Variants in TGFBRAP1 observed in about 807,000 individuals in gnomAD.
TGFBRAP1 encodes the protein transforming growth factor-beta receptor-associated protein 1.
TGFBRAP1 carries 20 observed loss-of-function variants against 83.2 expected under a neutral mutation model. That is an observed-to-expected ratio of 0.24 (90% CI 0.17 to 0.35). The LOEUF is 0.35. TGFBRAP1 is among the 10% of genes least tolerant of loss of function. The pLI, the probability that TGFBRAP1 is intolerant of heterozygous loss-of-function variation, is 1.00. For missense variants in TGFBRAP1, 950 were observed against 1,099.4 expected (o/e 0.86, Z 1.92); for synonymous variants, 415 against 459.8 (o/e 0.90, Z 1.25).
chr2:105,265,764 A>G lies in TGFBRAP1; in HGVS notation c.*1619T>C, dbSNP rs1676908647. 6.6e-6 allele frequency: 1 copy of G among 152,302 alleles called. No individual in the cohort carries two copies. Among genetic ancestry groups the G allele is most frequent in the Non-Finnish European group, 1.5e-5 (1 of 68,028 alleles). 9.4% of individuals were successfully genotyped at this position (152,302 alleles called of 1,614,324 possible). A position where few individuals can be genotyped will look rare whatever the true frequency, so the allele number is the denominator to read the frequency against. The stretch of plus-strand genomic sequence containing the variant: ...TTTATTCTTTAGTTAATTGAAACAT[A>G]GTCAGGAAAAAATGGTGCCAATTCC... On this transcript the variant is annotated 3_prime_UTR_variant, in exon 12 of 12. Coordinates refer to ENST00000393359, the MANE Select transcript of TGFBRAP1 (RefSeq NM_004257.6).
chr2:105,251,713 TG>T, the TGFBRAP1 span, among the ~76,000 whole-genome samples: 1 of 151,806 alleles, frequency 6.6e-6, no homozygotes, highest in Non-Finnish European at 1.5e-5. Context: ...GGGGGAAAGG[TG>T]GGGAAAAGAT....
chr2:105,304,642 G>C (rs1337629355), intron 2 of TGFBRAP1, among the ~76,000 whole-genome samples: 1 of 152,202 alleles, frequency 6.6e-6, no homozygotes. Flanking sequence ...AATTAGCTGA[G>C]CATGGTGGCA....
chr2:105,270,431 C>T (rs144409562), intron 10 of TGFBRAP1, among the ~76,000 whole-genome samples: 41 of 152,260 alleles, frequency 2.7e-4, no homozygotes, highest in Non-Finnish European at 4.4e-4. Flanking sequence ...CCACCCAGCC[C>T]GTCTGGAACT....
intron 6 of TGFBRAP1, among the ~76,000 whole-genome samples, chr2:105,278,438 C>T (rs961549223): frequency 7.9e-5 from 12 of 152,096 alleles, no homozygotes; most frequent in African/African-American, 2.9e-4. Flanking sequence ...TGCTAGTGTC[C>T]GGGACTCGCA....
downstream of TGFBRAP1, chr2:105,264,277 G>A (rs2254301): frequency 0.58 from 87,675 of 152,032 alleles, 26,023 homozygotes; most frequent in Non-Finnish European, 0.65. Context: ...AAGCAGACAC[G>A]TTAAAATTTG....
chr2:105,279,158 C>A (rs1404952142), intron 6 of TGFBRAP1, among the ~76,000 whole-genome samples: 1 of 152,142 alleles, frequency 6.6e-6, no homozygotes, highest in Non-Finnish European at 1.5e-5. Context: ...GTGTTAGCTG[C>A]CCAGAATGGA....
At chr2:105,267,767 T>A (rs1410841687) in intron 11 of TGFBRAP1, 7 of 985,332 alleles carry the variant, frequency 7.1e-6, no homozygotes, top group Non-Finnish European at 4.8e-6. Flanking sequence ...GTTACACAAT[T>A]GCTTTTCTTA....
At chr2:105,267,870 G>C (rs866368164) in intron 11 of TGFBRAP1, 8 of 985,288 alleles carry the variant, frequency 8.1e-6, no homozygotes, top group Non-Finnish European at 8.4e-6. Context: ...TTCAAGCAAG[G>C]CCTGTTAGAA....
chr2:105,269,741 G>T lies in TGFBRAP1; in HGVS notation c.1973-36C>A. On this transcript the variant is annotated intron_variant, in intron 10 of 11. Transcript: ENST00000393359. This position sits in a 1 kb window ranked among gnomAD's most constrained non-coding sequence, Gnocchi z 4.1. Reference sequence around the variant, plus strand: ...GAACCTGCAGCTCAGAAAGAAAGGGGCTCGCCGGCCACCCGCCCAGCGACT... The same window carrying T: ...GAACCTGCAGCTCAGAAAGAAAGGGTCTCGCCGGCCACCCGCCCAGCGACT... The T allele has an allele frequency of 1.4e-6, 2 of 1,465,398 alleles. No individual in the cohort carries two copies. The highest frequency in any genetic ancestry group is 2.9e-5 in the South Asian group (2 of 69,904). 90.8% of individuals were successfully genotyped at this position (1,465,398 alleles called of 1,614,324 possible). A position where few individuals can be genotyped will look rare whatever the true frequency, so the allele number is the denominator to read the frequency against.
chr2:105,327,846 A>C (rs1010561587), intron 1 of TGFBRAP1, among the ~76,000 whole-genome samples: 3 of 152,336 alleles, frequency 2.0e-5, no homozygotes, highest in Non-Finnish European at 2.9e-5. Flanking sequence ...ATGAAGGCTA[A>C]CAGTGGCACC....
the TGFBRAP1 span, among the ~76,000 whole-genome samples, chr2:105,258,711 C>A: frequency 4.0e-5 from 6 of 148,172 alleles, no homozygotes; most frequent in Non-Finnish European, 8.9e-5. Context: ...CAATCACACG[C>A]CCTTTCTCTC....
chr2:105,251,701 A>AG, the TGFBRAP1 span, among the ~76,000 whole-genome samples: 2 of 152,178 alleles, frequency 1.3e-5, no homozygotes, highest in African/African-American at 4.8e-5. Context: ...TGGAATAGAA[A>AG]GGGGGGAAAG....
At position 105,267,286 on chromosome 2, in the gene TGFBRAP1, G is replaced by C; in HGVS notation, c.*97C>G. On this transcript the variant is annotated 3_prime_UTR_variant, in exon 12 of 12. Coordinates refer to ENST00000393359, the MANE Select transcript of TGFBRAP1 (RefSeq NM_004257.6). ...CCCTGGCACCCAGATGTCTCCCTTCGTCCTGGCTGACACAGAGCATGGTGG... is the reference window on the plus strand; with the variant it reads ...CCCTGGCACCCAGATGTCTCCCTTCCTCCTGGCTGACACAGAGCATGGTGG... The C allele has an allele frequency of 6.7e-7, 1 of 1,503,422 alleles. No homozygotes were observed. The allele number at this position is 1,503,422 out of a possible 1,614,324, so 93.1% of individuals were successfully genotyped here.
chr2:105,308,242 G>A lies in TGFBRAP1; in HGVS notation c.60C>T (p.Gly20=), dbSNP rs115690647. Residue 20 remains glycine, a synonymous_variant, in exon 2 of 12, where the codon GGC becomes GGT. Transcript: ENST00000393359. ...ACTCTATGTTGACGCGCTCCTTGTCGCCCATCAGCAGCTCCCGCTCCACAG... is the reference window on the plus strand; with the variant it reads ...ACTCTATGTTGACGCGCTCCTTGTCACCCATCAGCAGCTCCCGCTCCACAG... ...VSAVERELLM[G]DKERVNIECV... The A allele has an allele frequency of 1.1e-3, 1,825 of 1,614,142 alleles. 13 individuals carry two copies. In the African/African-American group the frequency reaches 0.02, roughly 18 times the overall value.
At chr2:105,320,434 AAT>A (rs1679022592) in intron 1 of TGFBRAP1, among the ~76,000 whole-genome samples, 1 of 152,116 alleles carries the variant, frequency 6.6e-6, no homozygotes, top group African/African-American at 2.4e-5. Context: ...ATCAAAAATG[AAT>A]AGAGATCAAG....
chr2:105,312,034 A>G (rs1678711891), intron 1 of TGFBRAP1, among the ~76,000 whole-genome samples: 1 of 152,212 alleles, frequency 6.6e-6, no homozygotes, highest in Non-Finnish European at 1.5e-5. Flanking sequence ...ACTTTAGGCC[A>G]CACCTCTATT....
chr2:105,312,389 T>G (rs1678724389), intron 1 of TGFBRAP1, among the ~76,000 whole-genome samples: 1 of 152,220 alleles, frequency 6.6e-6, no homozygotes, highest in African/African-American at 2.4e-5. Context: ...AATGTTTTCT[T>G]AAAATTTCAA....
rs779939511 is a variant in TGFBRAP1, at chr2:105,298,698, A to G, written c.696T>C (p.Phe232=). ...GCTGGGATATCCCTGCGACTGTGGC[A>G]AACATGCCTAGAAGTAAGAAGAAAG... ...LLAGPGGLGM[F]ATVAGISQRA... Residue 232 remains phenylalanine (F), a synonymous_variant, in exon 3 of 12, where the codon TTT becomes TTC. Coordinates refer to ENST00000393359, the MANE Select transcript of TGFBRAP1 (RefSeq NM_004257.6). The G allele has an allele frequency of 3.8e-6, 6 of 1,571,658 alleles. No individual in the cohort carries two copies. Among genetic ancestry groups the G allele is most frequent in the Non-Finnish European group, 3.5e-6 (4 of 1,154,266 alleles).
rs772959340 is a variant in TGFBRAP1 at position 105,269,569 on chromosome 2, G to A, written c.2109C>T (p.Cys703=). 9 of 1,611,454 alleles carry A rather than the reference G, an allele frequency of 5.6e-6. No individual in the cohort carries two copies. The highest frequency in any genetic ancestry group is 2.2e-5 in the East Asian group (1 of 44,790). ...FAAAEDYCLW[C]SEGRDPPHRQ... ...GGTGGGGTGGGTCTCGGCCCTCGGA[G>A]CACCACAGGCAGTAGTCCTCGGCCG... Residue 703 remains cysteine, a synonymous_variant, in exon 11 of 12, where the codon TGC becomes TGT. Transcript: ENST00000393359. The surrounding 1 kb of genome is among the most constrained non-coding windows in gnomAD (Gnocchi z 4.1).
Sources: gnomAD v4.1 joint callset for allele counts (sites outside exome capture counted in the v4.1 genomes callset) on GRCh38, gnomAD v4.1.1 for gene constraint, Gnocchi (gnomAD v3.1) non-coding constraint, MANE v1.5 for transcripts, NCBI Gene and HGNC (gene_info 2026-07-23, HGNC 2026-07-21) for gene names.